BTF3L4: variants seen among roughly 807,000 people sequenced by gnomAD.
The protein encoded by BTF3L4 is transcription factor BTF3 homolog 4.
Under a neutral mutation model 16.8 loss-of-function variants are expected in BTF3L4, and 6 were observed. That is an observed-to-expected ratio of 0.36 (90% confidence interval 0.20 to 0.71). The LOEUF is 0.71. BTF3L4 is among the 30% of genes least tolerant of loss of function. The pLI is 0.58. For missense variants in BTF3L4, 92 were observed against 186.9 expected (o/e 0.49, Z 2.96); for synonymous variants, 39 against 59.8 (o/e 0.65, Z 1.60).
intron 3 of BTF3L4, among the ~76,000 whole-genome samples, chr1:52,070,782 C>T (rs1269705474): frequency 7.9e-5 from 12 of 151,352 alleles, no homozygotes; most frequent in Admixed American, 5.9e-4. Context: ...GGATTATAGG[C>T]GCACCACCAC....
chr1:52,080,699 A>C (rs1373617783), intron 3 of BTF3L4, among the ~76,000 whole-genome samples: 1 of 151,210 alleles, frequency 6.6e-6, no homozygotes, highest in Non-Finnish European at 1.5e-5. Flanking sequence ...ATGTCTGTCT[A>C]ATTTTTGTAT....
intron 3 of BTF3L4, among the ~76,000 whole-genome samples, chr1:52,075,698 T>C (rs1161332017): frequency 6.6e-6 from 1 of 151,310 alleles, no homozygotes; most frequent in Non-Finnish European, 1.5e-5. Flanking sequence ...TTCAACTCTC[T>C]TGTTGCCCAG....
intron 3 of BTF3L4, 76 bp from the exon 4 acceptor site, chr1:52,083,264 C>A: frequency 7.9e-7 from 1 of 1,261,164 alleles, no homozygotes; most frequent in Non-Finnish European, 1.1e-6. Context: ...CCATAATTGG[C>A]TGAATTGCTT....
chr1:52,064,409 G>A lies in BTF3L4; in HGVS notation c.55-416G>A, dbSNP rs181840768. 2.6e-5 allele frequency among the ~76,000 whole-genome samples: 4 copies of A among 152,162 alleles called. No individual in the cohort carries two copies. In the East Asian group the frequency reaches 5.8e-4, roughly 22 times the overall value. ...AATGTAGACATTAATTTTCAGTTAT[G>A]TCCTAATTCCCCAAATTTCAGAATA... On this transcript the variant is annotated intron_variant, in intron 2 of 5. Coordinates refer to ENST00000313334, the MANE Select transcript of BTF3L4 (RefSeq NM_152265.5).
At chr1:52,059,690 G>A (rs749497086) in intron 1 of BTF3L4, 145 bp from the exon 2 acceptor site, 4 of 463,320 alleles carry the variant, frequency 8.6e-6, no homozygotes, top group Non-Finnish European at 1.5e-5. Flanking sequence ...AGTTATTAAT[G>A]TTTATTAAGA....
At chr1:52,069,156 A>G (rs1433768314) in intron 3 of BTF3L4, among the ~76,000 whole-genome samples, 2 of 152,224 alleles carry the variant, frequency 1.3e-5, no homozygotes, top group Non-Finnish European at 2.9e-5. Flanking sequence ...GGATAGTTGT[A>G]CAGGGAAAAC....
chr1:52,059,074 G>GCCC (rs376431846), intron 1 of BTF3L4, among the ~76,000 whole-genome samples: 6 of 149,544 alleles, frequency 4.0e-5, no homozygotes, highest in African/African-American at 1.5e-4. Context: ...TCTCCTCTCT[G>GCCC]CCCCCCCCCA....
At position 52,086,981 on chromosome 1, in the gene BTF3L4, T is replaced by C. The variant is rs1643978169; in HGVS notation, c.*223T>C. On this transcript the variant is annotated 3_prime_UTR_variant, in exon 6 of 6. Coordinates refer to ENST00000313334, the MANE Select transcript of BTF3L4 (RefSeq NM_152265.5). The stretch of plus-strand genomic sequence containing the variant: ...GTCAAAATATGAAGTATTGGTGCAG[T>C]TTGAGGGTGTTTTGGTTTTTGATTC... 1 of 414,580 alleles carries C rather than the reference T, an allele frequency of 2.4e-6. No homozygotes were observed. The highest frequency in any genetic ancestry group is 2.1e-5 in the African/African-American group (1 of 48,006). 25.7% of individuals were successfully genotyped at this position (414,580 alleles called of 1,614,324 possible).
chr1:52,069,115 C>G (rs1181807580), intron 3 of BTF3L4, among the ~76,000 whole-genome samples: 1 of 152,126 alleles, frequency 6.6e-6, no homozygotes, highest in Non-Finnish European at 1.5e-5. Flanking sequence ...CTGCCCTCCC[C>G]CCATCCTGGT....
chr1:52,061,760 T>C (rs1430322345), intron 2 of BTF3L4, among the ~76,000 whole-genome samples: 5 of 135,326 alleles, frequency 3.7e-5, no homozygotes, highest in African/African-American at 5.6e-5. Flanking sequence ...CCTGCCTCAG[T>C]CTCCTGAGTA....
intron 3 of BTF3L4, among the ~76,000 whole-genome samples, chr1:52,081,224 G>A (rs549403399): frequency 9.3e-5 from 14 of 150,562 alleles, no homozygotes; most frequent in Non-Finnish European, 1.8e-4. Context: ...TGCAACCTCC[G>A]ACTCCTGGGT....
At chr1:52,079,942 G>A (rs1480021395) in intron 3 of BTF3L4, among the ~76,000 whole-genome samples, 7 of 147,518 alleles carry the variant, frequency 4.7e-5, no homozygotes, top group African/African-American at 1.8e-4. Context: ...CATGATCTGA[G>A]CTCACTGCAA....
intron 3 of BTF3L4, among the ~76,000 whole-genome samples, chr1:52,078,344 T>G (rs949459066): frequency 4.6e-5 from 7 of 151,406 alleles, no homozygotes; most frequent in Non-Finnish European, 7.4e-5. Flanking sequence ...ATTACAGACA[T>G]GAGCCACCAT....
At chr1:52,060,449 C>T in intron 2 of BTF3L4, 1 of 1,268,534 alleles carries the variant, frequency 7.9e-7, no homozygotes, top group Non-Finnish European at 1.0e-6. Flanking sequence ...AAATTCTTAC[C>T]TGTTCTTCCA....
Position 52,086,761 on chromosome 1 carries a change from G to C in BTF3L4, c.*3G>C. ...CATCAAAGAATGAAGCTAACTAAAAGTTTGGTTTTTGGAAGCTGGCATGGA... is the reference window on the plus strand; with the variant it reads ...CATCAAAGAATGAAGCTAACTAAAACTTTGGTTTTTGGAAGCTGGCATGGA... On this transcript the variant is annotated 3_prime_UTR_variant, in exon 6 of 6. Transcript: ENST00000313334. The C allele has an allele frequency of 1.3e-6, 2 of 1,595,786 alleles. No homozygotes were observed. Among genetic ancestry groups the C allele is most frequent in the Non-Finnish European group, 1.7e-6 (2 of 1,172,936 alleles).
At chr1:52,076,777 G>A (rs1021526971) in intron 3 of BTF3L4, among the ~76,000 whole-genome samples, 4 of 152,160 alleles carry the variant, frequency 2.6e-5, no homozygotes, top group Non-Finnish European at 5.9e-5. Context: ...AAGAGCGTGT[G>A]CAAAGCCCAT....
At position 52,089,098 on chromosome 1, in the gene BTF3L4, C is replaced by T. The variant is rs980283792; in HGVS notation, c.*2340C>T. The T allele has an allele frequency of 2.6e-5, 4 of 152,082 alleles. No homozygotes were observed. Among genetic ancestry groups the T allele is most frequent in the African/African-American group, 9.7e-5 (4 of 41,416 alleles). 9.4% of individuals were successfully genotyped at this position (152,082 alleles called of 1,614,324 possible). ...TCTAAATCTAAAGTTTCTTCTGCTTCTGCATTTCTGTGAATCTCATTTGAA... is the reference window on the plus strand; with the variant it reads ...TCTAAATCTAAAGTTTCTTCTGCTTTTGCATTTCTGTGAATCTCATTTGAA... On this transcript the variant is annotated 3_prime_UTR_variant, in exon 6 of 6. Transcript: ENST00000313334.
intron 3 of BTF3L4, among the ~76,000 whole-genome samples, chr1:52,078,129 T>A (rs547083483): frequency 3.3e-5 from 5 of 152,020 alleles, no homozygotes; most frequent in Admixed American, 3.3e-4. Context: ...AGTGGTGTGA[T>A]CACAGCCTCG....
At chr1:52,056,684 C>A (rs2783190) in intron 1 of BTF3L4, among the ~76,000 whole-genome samples, 1 of 152,196 alleles carries the variant, frequency 6.6e-6, no homozygotes, top group Non-Finnish European at 1.5e-5. Context: ...ACTCCTTGCT[C>A]ACAACAGCAG....
Sources: allele counts gnomAD v4.1 joint callset (sites outside exome capture counted in the v4.1 genomes callset), GRCh38; gene constraint gnomAD v4.1.1; transcripts MANE v1.5; gene names NCBI Gene and HGNC (gene_info 2026-07-23, HGNC 2026-07-21).